Variants in CSGALNACT1 observed in about 807,000 individuals in gnomAD.
The protein encoded by CSGALNACT1 is beta4GalNAcT-1.
Under a neutral mutation model 51.0 loss-of-function variants are expected in CSGALNACT1, and 52 were observed. The observed-to-expected ratio is 1.02, with a 90% confidence interval of 0.82 to 1.29. The LOEUF (loss-of-function observed/expected upper bound fraction) is 1.29, where lower values mean the gene tolerates loss of function less well. Among genes scored for constraint, CSGALNACT1 ranks in the 50% most tolerant of loss-of-function variants. The pLI is 0.00. For synonymous variants in CSGALNACT1, 341 were observed against 254.4 expected (o/e 1.34, Z -3.24); for missense variants, 935 against 679.2 (o/e 1.38, Z -4.19).
intron 6 of CSGALNACT1, among the ~76,000 whole-genome samples, chr8:19,425,540 A>G (rs993328773): frequency 1.3e-5 from 2 of 152,118 alleles, no homozygotes. Context: ...TTTGCATGTA[A>G]AACAGAGAAT....
rs201753095 is a variant in CSGALNACT1, at chr8:19,532,678, A to G, written c.-296-26548T>C. Among the ~76,000 whole-genome samples the G allele has an allele frequency of 7.2e-5, 11 of 152,308 alleles. No homozygotes were observed. In the East Asian group the frequency reaches 2.1e-3, roughly 29 times the overall value. ...CCTTGGCTCCTACCATATTCCAGTC[A>G]TACGAGTACTCAGATGGCAGAAGGT... On this transcript the variant is annotated intron_variant, in intron 3 of 9. Transcript: ENST00000454498.
Position 19,608,242 on chromosome 8 carries a change from G to A in CSGALNACT1, c.-543-6377C>T, listed in dbSNP as rs2154150680. Among the ~76,000 whole-genome samples, 2 of 152,224 alleles carry A rather than the reference G, an allele frequency of 1.3e-5. 1 individual carries two copies. Reference sequence around the variant, plus strand: ...TAGGATGCATGATCCCAGGCAACAGGGACACCTATACGGGGCAGCCCAACA... The same window carrying A: ...TAGGATGCATGATCCCAGGCAACAGAGACACCTATACGGGGCAGCCCAACA... On this transcript the variant is annotated intron_variant, in intron 1 of 9. Transcript: ENST00000332246.
chr8:19,459,941 A>G (rs539703405), intron 4 of CSGALNACT1, among the ~76,000 whole-genome samples: 1 of 152,310 alleles, frequency 6.6e-6, no homozygotes, highest in Non-Finnish European at 1.5e-5. Context: ...GGTTGAAGAT[A>G]TGAACTCAGC....
intron 3 of CSGALNACT1, among the ~76,000 whole-genome samples, chr8:19,516,357 G>A (rs1056170805): frequency 3.3e-5 from 5 of 152,042 alleles, no homozygotes; most frequent in Admixed American, 1.3e-4. Context: ...TACCCACTAC[G>A]CTATACTGTT....
intron 5 of CSGALNACT1, among the ~76,000 whole-genome samples, chr8:19,456,413 C>T (rs916933913): frequency 6.6e-5 from 10 of 152,160 alleles, no homozygotes; most frequent in African/African-American, 2.2e-4. Context: ...AATGAACTTG[C>T]GATAACCTCG....
intron 9 of CSGALNACT1, 46 bp downstream of exon 8, chr8:19,408,567 G>C: frequency 6.7e-7 from 1 of 1,494,128 alleles, no homozygotes; most frequent in Non-Finnish European, 9.2e-7. Context: ...AGGCCTACAT[G>C]GGCCCGTGGC....
intron 1 of CSGALNACT1, among the ~76,000 whole-genome samples, chr8:19,705,129 G>A (rs567425089): frequency 2.7e-4 from 41 of 152,262 alleles, no homozygotes; most frequent in African/African-American, 9.1e-4. Flanking sequence ...CTTGATTATG[G>A]TAATCATTTC....
chr8:19,573,953 C>G (rs893414654), intron 3 of CSGALNACT1, among the ~76,000 whole-genome samples: 4 of 152,142 alleles, frequency 2.6e-5, no homozygotes, highest in Non-Finnish European at 5.9e-5. Flanking sequence ...GAGAAAAAGT[C>G]TCTGTTACTC....
At chr8:19,497,647 G>C (rs551379880) in intron 4 of CSGALNACT1, among the ~76,000 whole-genome samples, 1 of 152,290 alleles carries the variant, frequency 6.6e-6, no homozygotes, top group Non-Finnish European at 1.5e-5. Flanking sequence ...GGAAATGCTA[G>C]AAATAAAAAA....
At chr8:19,554,709 G>C (rs2089246827) in intron 3 of CSGALNACT1, among the ~76,000 whole-genome samples, 2 of 152,162 alleles carry the variant, frequency 1.3e-5, no homozygotes, top group Admixed American at 6.5e-5. Context: ...CCTGAGGTCA[G>C]GAGTTCAAGA....
intron 1 of CSGALNACT1, among the ~76,000 whole-genome samples, chr8:19,658,687 T>C (rs1454513070): frequency 6.6e-6 from 1 of 152,044 alleles, no homozygotes; most frequent in Admixed American, 6.6e-5. Context: ...TGAGCTGAGA[T>C]CGCGACACTG....
chr8:19,727,332 G>A (rs771274070), intron 1 of CSGALNACT1, among the ~76,000 whole-genome samples: 1 of 33,522 alleles, frequency 3.0e-5, no homozygotes, highest in Non-Finnish European at 6.4e-5. Context: ...GTTTGATTTG[G>A]TTTGGTTTGG....
intron 1 of CSGALNACT1, among the ~76,000 whole-genome samples, chr8:19,689,553 G>A (rs551411931): frequency 7.0e-4 from 107 of 152,256 alleles, no homozygotes; most frequent in Non-Finnish European, 1.2e-3. Flanking sequence ...TGATACACAC[G>A]ACTATAAAAG....
At chr8:19,472,823 C>T (rs2068516290) in intron 4 of CSGALNACT1, among the ~76,000 whole-genome samples, 1 of 152,098 alleles carries the variant, frequency 6.6e-6, no homozygotes, top group South Asian at 2.1e-4. Context: ...ATATAATACT[C>T]ATTCATTGAT....
rs974592756 is a variant in CSGALNACT1 at position 19,438,057 on chromosome 8, C to T, written c.953+1773G>A. The stretch of plus-strand genomic sequence containing the variant: ...CATGGGACTCATTTAAATGTGGTTA[C>T]GTGTAACCGTCAGCAAATGCCTGGT... On this transcript the variant is annotated intron_variant, in intron 6 of 9. Transcript: ENST00000454498. 2.0e-5 allele frequency among the ~76,000 whole-genome samples: 3 copies of T among 152,144 alleles called. No individual in the cohort carries two copies. In the East Asian group the frequency reaches 5.8e-4, roughly 29 times the overall value.
Position 19,633,729 on chromosome 8 carries a change from C to T in CSGALNACT1, c.-543-31864G>A, listed in dbSNP as rs118184776. ...ACTTCTAACCTCCAGGACTGTGAGACGGTAAATTTCAGTTGTTTTAAACCA... is the reference window on the plus strand; with the variant it reads ...ACTTCTAACCTCCAGGACTGTGAGATGGTAAATTTCAGTTGTTTTAAACCA... On this transcript the variant is annotated intron_variant, in intron 1 of 9. Coordinates refer to the CSGALNACT1 transcript ENST00000332246. Among the ~76,000 whole-genome samples the T allele has an allele frequency of 1.5e-3, 233 of 152,308 alleles. 1 individual carries two copies. The highest frequency in any genetic ancestry group is 2.9e-3 in the Non-Finnish European group (196 of 68,030).
intron 1 of CSGALNACT1, among the ~76,000 whole-genome samples, chr8:19,734,989 T>A (rs111728209): frequency 6.6e-6 from 1 of 152,100 alleles, no homozygotes; most frequent in Non-Finnish European, 1.5e-5. Context: ...TCAGGTTTGA[T>A]CTTGCTATCC....
At chr8:19,626,103 A>G (rs1308442252) in intron 1 of CSGALNACT1, among the ~76,000 whole-genome samples, 1 of 152,228 alleles carries the variant, frequency 6.6e-6, no homozygotes, top group African/African-American at 2.4e-5. Flanking sequence ...AAACAGAACT[A>G]AAAAGTTAAA....
chr8:19,417,255 T>C lies in CSGALNACT1; in HGVS notation c.1227+1401A>G, dbSNP rs141893687. Among the ~76,000 whole-genome samples the C allele has an allele frequency of 7.3e-3, 1,105 of 152,286 alleles. 8 individuals carry two copies. Among genetic ancestry groups the C allele is most frequent in the Non-Finnish European group, 0.013 (866 of 68,026 alleles). On this transcript the variant is annotated intron_variant, in intron 8 of 9. Transcript: ENST00000454498. Reference sequence around the variant, plus strand: ...ACAGATACACAGTATATCTGTGGTATTGCAATTCCACTAGGGGAAAAGAGA... The same window carrying C: ...ACAGATACACAGTATATCTGTGGTACTGCAATTCCACTAGGGGAAAAGAGA...
Sources: gnomAD v4.1 joint callset for allele counts (sites outside exome capture counted in the v4.1 genomes callset) on GRCh38, gnomAD v4.1.1 for gene constraint, MANE v1.5 for transcripts, NCBI Gene and HGNC (gene_info 2026-07-23, HGNC 2026-07-21) for gene names.